Variants in TSPEAR observed in about 807,000 individuals in gnomAD.
TSPEAR encodes the protein thrombospondin-type laminin G domain and EAR repeat-containing protein.
In TSPEAR, 69 loss-of-function variants were observed where a neutral mutation model predicts 71.6. That is an observed-to-expected ratio of 0.96 (90% CI 0.79 to 1.18). TSPEAR has a LOEUF of 1.18. TSPEAR is among the 50% of genes most tolerant of loss of function. The pLI is 0.00. For synonymous variants in TSPEAR, 402 were observed against 387.2 expected, an observed-to-expected ratio of 1.04 and a Z score of -0.45; for missense variants, 971 against 894.9, an observed-to-expected ratio of 1.09 and a Z score of -1.09.
At chr21:44,603,262 G>A (rs587700534) in intron 1 of TSPEAR, among the ~76,000 whole-genome samples, 18 of 152,056 alleles carry the variant, frequency 1.2e-4, no homozygotes, top group Admixed American at 4.6e-4. Context: ...CCCCTACCCC[G>A]GCCCCTGTGC....
At chr21:44,599,082 G>A (rs1356482733) in intron 1 of TSPEAR, among the ~76,000 whole-genome samples, 1 of 149,252 alleles carries the variant, frequency 6.7e-6, no homozygotes, top group Admixed American at 6.8e-5. Flanking sequence ...CTCAGCAGGA[G>A]TATATGTCTG....
At chr21:44,668,217 A>C (rs1264479441) in intron 1 of TSPEAR, among the ~76,000 whole-genome samples, 2 of 152,244 alleles carry the variant, frequency 1.3e-5, no homozygotes, top group Non-Finnish European at 2.9e-5. Flanking sequence ...AGCAGGATAC[A>C]AAAGCAAAAC....
chr21:44,697,269 G>A, intron 1 of TSPEAR: 1 of 1,614,054 alleles, frequency 6.2e-7, no homozygotes, highest in Non-Finnish European at 8.5e-7. Flanking sequence ...TGTGACTCTT[G>A]CTCCGACTCC....
chr21:44,569,114 G>A (rs149604892), intron 1 of TSPEAR, among the ~76,000 whole-genome samples: 16 of 152,302 alleles, frequency 1.1e-4, no homozygotes, highest in Middle Eastern at 3.4e-3. Flanking sequence ...TCCTTGCACC[G>A]CCACGTGCAT....
At chr21:44,701,181 A>G (rs988297520) in intron 1 of TSPEAR, among the ~76,000 whole-genome samples, 2 of 152,244 alleles carry the variant, frequency 1.3e-5, no homozygotes, top group Non-Finnish European at 2.9e-5. Context: ...TGACGCTTCC[A>G]TAGGGACAGC....
intron 1 of TSPEAR, among the ~76,000 whole-genome samples, chr21:44,583,784 C>T (rs459845): frequency 0.95 from 143,919 of 152,282 alleles, 68,159 homozygotes; most frequent in Non-Finnish European, 0.97. Flanking sequence ...TGTCTTGATA[C>T]ATGTACACAT....
intron 11 of TSPEAR, among the ~76,000 whole-genome samples, chr21:44,504,023 C>CGGGGGGA (rs2052122075): frequency 7.1e-6 from 1 of 140,598 alleles, no homozygotes; most frequent in African/African-American, 2.7e-5. Flanking sequence ...GGTGAGCCCT[C>CGGGGGGA]AGCAGGAAGC....
At chr21:44,638,650 C>A (rs1200014197) in intron 1 of TSPEAR, among the ~76,000 whole-genome samples, 2 of 151,738 alleles carry the variant, frequency 1.3e-5, no homozygotes, top group African/African-American at 4.8e-5. Context: ...GTGCTGGCCT[C>A]TGTGAACCCT....
chr21:44,635,733 T>C (rs964959228), intron 1 of TSPEAR, among the ~76,000 whole-genome samples: 11 of 152,210 alleles, frequency 7.2e-5, no homozygotes, highest in Non-Finnish European at 1.3e-4. Context: ...GTGGGGATGG[T>C]TGCACAACAT....
intron 1 of TSPEAR, chr21:44,647,630 A>G (rs587673310): frequency 1.4e-4 from 70 of 500,578 alleles, no homozygotes; most frequent in Middle Eastern, 5.6e-4. Context: ...GCTCTAATCA[A>G]TAAATTCTTG....
In TSPEAR at chr21:44,540,685, A is replaced by G. The variant is rs150859159; in HGVS notation, c.304-6762T>C. On this transcript the variant is annotated intron_variant, in intron 2 of 11. Coordinates refer to ENST00000323084, the MANE Select transcript of TSPEAR (RefSeq NM_144991.3). ...GAGAAGGTGCAGCAGTGGCCAGCGA[A>G]CCCCACAGTGGTGGCCCTGCACATT... 2.0e-3 allele frequency among the ~76,000 whole-genome samples: 307 copies of G among 152,252 alleles called. 5 individuals are homozygous for G. Among genetic ancestry groups the G allele is most frequent in the Middle Eastern group, 0.014 (4 of 294 alleles).
intron 2 of TSPEAR, chr21:44,540,090 C>T (rs782814658): frequency 1.2e-6 from 2 of 1,613,550 alleles, no homozygotes; most frequent in Non-Finnish European, 1.7e-6. Flanking sequence ...TCTGGGCAGG[C>T]ATCCACCTGC....
In TSPEAR at chr21:44,550,947, G is replaced by GC. The variant is rs782667674; in HGVS notation, c.303+16837dup. Reference sequence around the variant, plus strand: ...CTGACACGGGGAGGAGGTGCAGCAAGCCGGCTGGCAGCTAGACTGCTGGCA... The same window carrying GC: ...CTGACACGGGGAGGAGGTGCAGCAAGCCCGGCTGGCAGCTAGACTGCTGGCA... On this transcript the variant is annotated intron_variant, in intron 2 of 11. Transcript: ENST00000323084. 2.7e-6 allele frequency: 4 copies of GC among 1,503,744 alleles called. No individual in the cohort carries two copies. The African/African-American group carries it at 5.6e-5, about 21-fold the overall frequency. The allele number at this position is 1,503,744 out of a possible 1,614,324, so 93.2% of individuals were successfully genotyped here. A position where few individuals can be genotyped will look rare whatever the true frequency, so the allele number is the denominator to read the frequency against.
chr21:44,584,004 A>G (rs1979177620), intron 1 of TSPEAR, among the ~76,000 whole-genome samples: 1 of 152,214 alleles, frequency 6.6e-6, no homozygotes, highest in South Asian at 2.1e-4. Context: ...TCCTGTCATC[A>G]ACATCAAAGT....
rs139468688 is a variant in TSPEAR at position 44,509,367 on chromosome 21, C to G, written c.1586G>C (p.Trp529Ser). The G allele has an allele frequency of 1.9e-6, 3 of 1,613,450 alleles. No homozygotes were observed. Among genetic ancestry groups the G allele is most frequent in the Non-Finnish European group, 2.5e-6 (3 of 1,179,902 alleles). Residue 529 changes from tryptophan to serine, a missense_variant, in exon 10 of 12, where the codon TGG (tryptophan) becomes TCG (serine). Trp to Ser is a radical substitution (Grantham distance 177). Coordinates refer to ENST00000323084, the MANE Select transcript of TSPEAR (RefSeq NM_144991.3). ...CCTCTCCCCGATCTGGAAGACCTCC[C>G]AGTCTGCAGCACCGAACGTCTAGGA... is the stretch of plus-strand genomic sequence containing the variant. ...QSFPTFGAAD[W>S]EVFQIGERIF...
At position 44,522,045 on chromosome 21, in the gene TSPEAR, G is replaced by C. The variant is rs2052745218; in HGVS notation, c.1404C>G (p.Asn468Lys). 6.2e-7 allele frequency: 1 copy of C among 1,614,174 alleles called. No homozygotes were observed. The highest frequency in any genetic ancestry group is 8.5e-7 in the Non-Finnish European group (1 of 1,180,024). ...AGGCGCCGGAGGTGGCGATGGTCTG[G>C]TTGGCCTCGAAGAGCCGGGTTGCCG... is the stretch of plus-strand genomic sequence containing the variant. Reference protein sequence around the residue: ...WNPATRLFEANQTIATSGAYD... With the variant: ...WNPATRLFEAKQTIATSGAYD... The change falls in exon 9 of 12, where the codon AAC becomes AAG. Residue 468 changes from asparagine to lysine, a missense_variant. By Grantham distance (94) the Asn-to-Lys change is moderately conservative. Transcript: ENST00000323084.
chr21:44,629,330 TG>T (rs1211429323), intron 1 of TSPEAR, among the ~76,000 whole-genome samples: 1 of 152,130 alleles, frequency 6.6e-6, no homozygotes, highest in Non-Finnish European at 1.5e-5. Flanking sequence ...CTCACAGTCC[TG>T]GGGCTGGAAA....
At chr21:44,559,141 A>G (rs143528405) in intron 2 of TSPEAR, among the ~76,000 whole-genome samples, 21 of 152,264 alleles carry the variant, frequency 1.4e-4, no homozygotes, top group Non-Finnish European at 2.6e-4. Flanking sequence ...TTCTACACCT[A>G]AGGAGGGATG....
At chr21:44,706,214 T>C (rs1462327883) in intron 1 of TSPEAR, among the ~76,000 whole-genome samples, 7 of 152,260 alleles carry the variant, frequency 4.6e-5, no homozygotes, top group Middle Eastern at 6.8e-3. Context: ...AACACCAGGC[T>C]CTGGTAGAAA....
Sources: allele counts gnomAD v4.1 joint callset (sites outside exome capture counted in the v4.1 genomes callset), GRCh38; gene constraint gnomAD v4.1.1; transcripts MANE v1.5; gene names NCBI Gene and HGNC (gene_info 2026-07-23, HGNC 2026-07-21).